Variants in GPC6 observed in about 807,000 individuals in gnomAD.
The protein encoded by GPC6 is glypican-6.
Under a neutral mutation model 55.2 loss-of-function variants are expected in GPC6, and 14 were observed. That is an observed-to-expected ratio of 0.25 (90% CI 0.17 to 0.40). The LOEUF (loss-of-function observed/expected upper bound fraction) is 0.40. GPC6 is among the 10% of genes least tolerant of loss of function. The pLI is 1.00. For missense variants in GPC6, 641 were observed against 708.5 expected (o/e 0.90, Z 1.08); for synonymous variants, 278 against 259.6 (o/e 1.07, Z -0.68).
At chr13:93,579,417 A>C (rs1876829128) in intron 2 of GPC6, among the ~76,000 whole-genome samples, 1 of 152,022 alleles carries the variant, frequency 6.6e-6, no homozygotes, top group African/African-American at 2.4e-5. Context: ...GCTCAGAAAT[A>C]TAATATAGGA....
intron 2 of GPC6, among the ~76,000 whole-genome samples, chr13:93,795,609 A>G (rs1886171705): frequency 6.6e-6 from 1 of 152,386 alleles, no homozygotes. Context: ...TTGGTGCCTT[A>G]TTATGAATGT....
chr13:93,428,277 A>T (rs1296008552), intron 1 of GPC6, among the ~76,000 whole-genome samples: 1 of 152,202 alleles, frequency 6.6e-6, no homozygotes, highest in African/African-American at 2.4e-5. Flanking sequence ...AGTGTAAGGT[A>T]ACATTATGGA....
chr13:93,505,946 G>C (rs1318677358), intron 1 of GPC6, among the ~76,000 whole-genome samples: 1 of 152,176 alleles, frequency 6.6e-6, no homozygotes, highest in Non-Finnish European at 1.5e-5. Flanking sequence ...TTATAAAATA[G>C]ACTCGTTATT....
chr13:93,525,657 A>G (rs1881617275), intron 1 of GPC6, among the ~76,000 whole-genome samples: 1 of 152,060 alleles, frequency 6.6e-6, no homozygotes, highest in African/African-American at 2.4e-5. Context: ...CCAACCTTAA[A>G]GTACTTAACA....
intron 1 of GPC6, among the ~76,000 whole-genome samples, chr13:93,231,752 T>C (rs1260182840): frequency 6.6e-6 from 1 of 151,990 alleles, no homozygotes; most frequent in Non-Finnish European, 1.5e-5. Flanking sequence ...AAGTTATTCA[T>C]GGGGCTAGAG....
intron 5 of GPC6, among the ~76,000 whole-genome samples, chr13:94,296,701 C>T (rs1182650086): frequency 6.6e-6 from 1 of 152,192 alleles, no homozygotes; most frequent in African/African-American, 2.4e-5. Flanking sequence ...GAAACATGCT[C>T]ATTTGTAGTG....
At chr13:93,687,147 T>C (rs1882079374) in intron 2 of GPC6, among the ~76,000 whole-genome samples, 1 of 152,088 alleles carries the variant, frequency 6.6e-6, no homozygotes, top group Non-Finnish European at 1.5e-5. Flanking sequence ...AGAAAATCAG[T>C]TTAATTTAAT....
chr13:93,901,489 C>T (rs995187308), intron 3 of GPC6, among the ~76,000 whole-genome samples: 1 of 152,028 alleles, frequency 6.6e-6, no homozygotes, highest in African/African-American at 2.4e-5. Flanking sequence ...AAATATTTTT[C>T]AGTATTTTTA....
At chr13:93,476,299 C>CGT (rs372032463) in intron 1 of GPC6, among the ~76,000 whole-genome samples, 6 of 150,996 alleles carry the variant, frequency 4.0e-5, no homozygotes, top group African/African-American at 7.3e-5. Flanking sequence ...TGTGTGCGTG[C>CGT]GTGTGTGTGT....
At chr13:93,973,800 T>C (rs925414124) in intron 3 of GPC6, among the ~76,000 whole-genome samples, 1 of 152,156 alleles carries the variant, frequency 6.6e-6, no homozygotes, top group African/African-American at 2.4e-5. Flanking sequence ...TACAGATGCA[T>C]GTTTTACTGA....
intron 3 of GPC6, among the ~76,000 whole-genome samples, chr13:93,963,916 A>T (rs1409842953): frequency 1.3e-5 from 2 of 152,194 alleles, no homozygotes; most frequent in Non-Finnish European, 2.9e-5. Flanking sequence ...TCCAAGTATC[A>T]GGAGACTTTG....
chr13:93,629,371 C>G (rs1879337321), intron 2 of GPC6, among the ~76,000 whole-genome samples: 1 of 152,026 alleles, frequency 6.6e-6, no homozygotes, highest in Non-Finnish European at 1.5e-5. Flanking sequence ...ACTTATTATA[C>G]TTGTAAACAA....
intron 4 of GPC6, among the ~76,000 whole-genome samples, chr13:94,051,567 C>T (rs537906761): frequency 1.5e-4 from 23 of 152,140 alleles, no homozygotes; most frequent in African/African-American, 4.8e-4. Context: ...TATTGCTGGA[C>T]GTGTTCAAAA....
rs116069357 is a variant in GPC6, at chr13:93,782,646, C to T, written c.320-47508C>T. 5.6e-3 allele frequency among the ~76,000 whole-genome samples: 853 copies of T among 152,150 alleles called. 6 individuals are homozygous for T. Among genetic ancestry groups the T allele is most frequent in the African/African-American group, 0.019 (796 of 41,528 alleles). On this transcript the variant is annotated intron_variant, in intron 2 of 8. Coordinates refer to ENST00000377047, the MANE Select transcript of GPC6 (RefSeq NM_005708.5). The stretch of plus-strand genomic sequence containing the variant: ...TCGTAACAAGTATGAAGCGATATCT[C>T]ATGGATTTGATTTGCATTTACCTGA...
intron 6 of GPC6, among the ~76,000 whole-genome samples, chr13:94,354,725 A>G (rs760627155): frequency 3.3e-5 from 5 of 152,248 alleles, no homozygotes; most frequent in Non-Finnish European, 5.9e-5. Flanking sequence ...AATTGGCATT[A>G]TCTGAGAAGG....
intron 1 of GPC6, among the ~76,000 whole-genome samples, chr13:93,338,473 T>C (rs1365601550): frequency 2.6e-5 from 4 of 152,184 alleles, no homozygotes; most frequent in Non-Finnish European, 5.9e-5. Flanking sequence ...CAGTAGACCT[T>C]TTGAAATTCC....
chr13:94,125,538 C>A (rs1593959286), intron 4 of GPC6, among the ~76,000 whole-genome samples: 1 of 152,084 alleles, frequency 6.6e-6, no homozygotes, highest in African/African-American at 2.4e-5. Context: ...AAAACTCTCT[C>A]TTTCTGAAAA....
Position 94,107,883 on chromosome 13 carries a change from A to T in GPC6, c.877+79989A>T, listed in dbSNP as rs539340802. Reference sequence around the variant, plus strand: ...GAATGGCCATAATAAAAAAAATTTTAAAAAATAGATGTTGGCATGGATGCA... The same window carrying T: ...GAATGGCCATAATAAAAAAAATTTTTAAAAATAGATGTTGGCATGGATGCA... On this transcript the variant is annotated intron_variant, in intron 4 of 8. Coordinates refer to ENST00000377047, the MANE Select transcript of GPC6 (RefSeq NM_005708.5). 9.9e-4 allele frequency among the ~76,000 whole-genome samples: 150 copies of T among 152,236 alleles called. 1 individual carries two copies. Among genetic ancestry groups the T allele is most frequent in the African/African-American group, 2.7e-3 (112 of 41,558 alleles).
intron 1 of GPC6, among the ~76,000 whole-genome samples, chr13:93,535,408 C>T (rs1221276885): frequency 6.6e-6 from 1 of 152,088 alleles, no homozygotes; most frequent in African/African-American, 2.4e-5. Flanking sequence ...AAAGTAGCTG[C>T]CATGATTTCA....
Sources: allele counts gnomAD v4.1 joint callset (sites outside exome capture counted in the v4.1 genomes callset), GRCh38; gene constraint gnomAD v4.1.1; transcripts MANE v1.5; gene names NCBI Gene and HGNC (gene_info 2026-07-23, HGNC 2026-07-21).